Variants in PSMD5 observed in about 807,000 individuals in gnomAD.
The protein encoded by PSMD5 is proteasome 26S subunit, non-ATPase 5.
Under a neutral mutation model 52.1 loss-of-function variants are expected in PSMD5, and 40 were observed. The ratio of observed to expected loss-of-function variants is 0.77; its 90% confidence interval spans 0.60 to 1.00. The LOEUF is 1.00. Among genes scored for constraint, PSMD5 ranks in the 50% least tolerant of loss-of-function variants. The probability of loss-of-function intolerance (pLI) is 0.00; values close to 1 mark genes in which losing one functional copy is unlikely to be tolerated. For missense variants in PSMD5, 575 were observed against 605.2 expected (o/e 0.95, Z 0.52); for synonymous variants, 211 against 226.6 (o/e 0.93, Z 0.62).
rs1204678979 is a variant in PSMD5 at position 120,816,065 on chromosome 9, AT to A, written c.*1840del. The A allele has an allele frequency of 1.2e-5, 2 of 161,990 alleles. No homozygotes were observed. The highest frequency in any genetic ancestry group is 4.8e-5 in the African/African-American group (2 of 41,590). 10.0% of individuals were successfully genotyped at this position (161,990 alleles called of 1,614,324 possible). On this transcript the variant is annotated 3_prime_UTR_variant, in exon 10 of 10. Transcript: ENST00000210313. The stretch of plus-strand genomic sequence containing the variant: ...CAGTCAACAGGTGTTTACTTATGAA[AT>A]GAAAATAATGATTTACAAATTTTAT...
chr9:120,819,400 A>G (rs941496925), intron 9 of PSMD5, among the ~76,000 whole-genome samples: 1 of 152,240 alleles, frequency 6.6e-6, no homozygotes, highest in Admixed American at 6.5e-5. Flanking sequence ...GTAAATAGAA[A>G]ATTATTTCTA....
chr9:120,833,683 T>C (rs2045177566), intron 1 of PSMD5, among the ~76,000 whole-genome samples: 1 of 144,130 alleles, frequency 6.9e-6, no homozygotes, highest in Non-Finnish European at 1.5e-5. Context: ...TTTTTTTTTT[T>C]TTTTTTTTTT....
Position 120,831,942 on chromosome 9 carries a change from CA to C in PSMD5, c.321del (p.Ile107MetfsTer15). 1 of 1,611,410 alleles carries C rather than the reference CA, an allele frequency of 6.2e-7. No homozygotes were observed. Among genetic ancestry groups the C allele is most frequent in the Non-Finnish European group, 8.5e-7 (1 of 1,179,300 alleles). ...GCATCAGAATTTTCAACAATTCTTCCAATCTGAAAGAAAAACAATCAGAAAC... is the reference window on the plus strand; with the variant it reads ...GCATCAGAATTTTCAACAATTCTTCCATCTGAAAGAAAAACAATCAGAAAC... ...DSVKILTLSQ[I>X]GRIVENSDAV... On this transcript the variant is annotated frameshift_variant and splice_region_variant, in exon 3 of 10. Coordinates refer to ENST00000210313, the MANE Select transcript of PSMD5 (RefSeq NM_005047.4). LOFTEE classifies it high-confidence loss of function.
rs1219012608 is a variant in PSMD5 at position 120,818,136 on chromosome 9, T to G, written c.1285A>C (p.Lys429Gln). ...TAIANQPWAQ[K>Q]LMFNSPGFVE... The stretch of plus-strand genomic sequence containing the variant: ...AAACCTGGACTGTTAAACATAAGTT[T>G]CTGAGCCCAGGGTTGGTTTGCAATG... The change falls in exon 10 of 10, where the codon AAA becomes CAA. Residue 429 changes from lysine (K) to glutamine (Q), a missense_variant. Transcript: ENST00000210313. 5 of 1,614,008 alleles carry G rather than the reference T, an allele frequency of 3.1e-6. No individual in the cohort carries two copies. The highest frequency in any genetic ancestry group is 4.2e-6 in the Non-Finnish European group (5 of 1,179,882).
chr9:120,836,101 T>A (rs922430642), intron 1 of PSMD5, among the ~76,000 whole-genome samples: 15 of 152,230 alleles, frequency 9.9e-5, no homozygotes, highest in Non-Finnish European at 1.5e-5. Flanking sequence ...ATACAACATT[T>A]ATCCTTTTGT....
Position 120,816,702 on chromosome 9 carries a change from C to A in PSMD5, c.*1204G>T, listed in dbSNP as rs943237250. ...AACAGGTGATTTGGTGTGCAGAGTGCTTTGGCTTTGCTGTTTAGAGAGAAG... is the reference window on the plus strand; with the variant it reads ...AACAGGTGATTTGGTGTGCAGAGTGATTTGGCTTTGCTGTTTAGAGAGAAG... On this transcript the variant is annotated 3_prime_UTR_variant, in exon 10 of 10. Transcript: ENST00000210313. The A allele has an allele frequency of 6.6e-6, 1 of 152,216 alleles. No homozygotes were observed. Among genetic ancestry groups the A allele is most frequent in the African/African-American group, 2.4e-5 (1 of 41,446 alleles). 9.4% of individuals were successfully genotyped at this position (152,216 alleles called of 1,614,324 possible).
intron 1 of PSMD5, among the ~76,000 whole-genome samples, chr9:120,839,382 G>GAAGGAATTTGCTAGAA (rs985554232): frequency 6.6e-6 from 1 of 152,208 alleles, no homozygotes. Flanking sequence ...TACAAGGTGG[G>GAAGGAATTTGCTAGAA]AAGGAATTTG....
intron 1 of PSMD5, among the ~76,000 whole-genome samples, chr9:120,834,326 G>GA (rs1192576510): frequency 6.6e-6 from 1 of 151,518 alleles, no homozygotes; most frequent in Non-Finnish European, 1.5e-5. Flanking sequence ...GAAAGATACA[G>GA]AAAAAAAAGG....
intron 1 of PSMD5, chr9:120,842,516 C>A (rs2045247254): frequency 3.4e-6 from 2 of 588,650 alleles, no homozygotes; most frequent in Non-Finnish European, 6.0e-6. Context: ...TCAGAGGCAG[C>A]GAGGCCAGGC....
At chr9:120,834,982 A>G (rs559679498) in intron 1 of PSMD5, among the ~76,000 whole-genome samples, 13 of 152,356 alleles carry the variant, frequency 8.5e-5, no homozygotes, top group Admixed American at 6.5e-4. Context: ...CTACAAATAA[A>G]TGGGCTAATA....
At position 120,833,359 on chromosome 9, in the gene PSMD5, C is replaced by G. The variant is rs752964908; in HGVS notation, c.271G>C (p.Gly91Arg). ...ARNLRVDLQR[G>R]LIHPDDSVKI... ...ACAGAATCATCAGGGTGAATTAGTC[C>G]CCTCTGCAGGTCAACCCTGAGGTTC... The change falls in exon 2 of 10, where the codon GGA becomes CGA. Residue 91 changes from glycine to arginine, a missense_variant. Transcript: ENST00000210313. 6.2e-7 allele frequency: 1 copy of G among 1,614,102 alleles called. No homozygotes were observed. The highest frequency in any genetic ancestry group is 8.5e-7 in the Non-Finnish European group (1 of 1,179,980).
intron 1 of PSMD5, among the ~76,000 whole-genome samples, chr9:120,833,672 C>CTTTTTTTTTTT (rs71385094): frequency 2.3e-5 from 2 of 85,620 alleles, no homozygotes; most frequent in Non-Finnish European, 2.1e-5. Context: ...CTCTAGTCTT[C>CTTTTTTTTTTT]TTTTTTTTTT....
chr9:120,842,501 A>C, intron 1 of PSMD5: 1 of 575,194 alleles, frequency 1.7e-6, no homozygotes, highest in Non-Finnish European at 3.1e-6. Context: ...GCAGTGCCTC[A>C]CTGCTCAGAG....
intron 5 of PSMD5, among the ~76,000 whole-genome samples, chr9:120,828,719 C>G (rs116877311): frequency 4.7e-4 from 71 of 152,316 alleles, no homozygotes; most frequent in Non-Finnish European, 9.3e-4. Flanking sequence ...AGCCACCGCA[C>G]CCGGCCTAGC....
intron 5 of PSMD5, among the ~76,000 whole-genome samples, chr9:120,828,083 A>G (rs1413498812): frequency 6.6e-6 from 1 of 151,544 alleles, no homozygotes; most frequent in African/African-American, 2.4e-5. Flanking sequence ...TGCAATCTTC[A>G]CCTCCCGGGT....
intron 7 of PSMD5, 88 bp from the exon 8 acceptor site, chr9:120,821,552 G>T: frequency 2.2e-6 from 2 of 895,978 alleles, no homozygotes; most frequent in Non-Finnish European, 3.3e-6. Flanking sequence ...TTAGTGTATA[G>T]TTCAGTGCTA....
chr9:120,842,878 T>C lies in PSMD5; in HGVS notation c.32A>G (p.Glu11Gly). The stretch of plus-strand genomic sequence containing the variant: ...CAGCGGCGCTTCCAGCCTCGCTACC[T>C]CTCTCAGCAGCGCCAAAGCCTGGGC... MAAQALALLREVARLEAPLEE... is the reference protein window; with the variant it reads MAAQALALLRGVARLEAPLEE... The change falls in exon 1 of 10, where the codon GAG becomes GGG. Residue 11 changes from glutamate (E) to glycine (G), a missense_variant. Glu to Gly is a moderately conservative substitution (Grantham distance 98). Transcript: ENST00000210313. 1 of 1,599,580 alleles carries C rather than the reference T, an allele frequency of 6.3e-7. No individual in the cohort carries two copies.
At chr9:120,826,581 T>G in intron 6 of PSMD5, 184 bp downstream of exon 6, 4 of 671,432 alleles carry the variant, frequency 6.0e-6, no homozygotes, top group Non-Finnish European at 9.5e-6. Flanking sequence ...GATGACCCTT[T>G]TAATGTGCTG....
intron 7 of PSMD5, 121 bp downstream of exon 7, chr9:120,824,373 A>T: frequency 1.1e-6 from 1 of 948,420 alleles, no homozygotes; most frequent in Non-Finnish European, 1.7e-6. Context: ...GGTCATGGTT[A>T]ACAAGACTGC....
Sources: gnomAD v4.1 joint callset for allele counts (sites outside exome capture counted in the v4.1 genomes callset) on GRCh38, gnomAD v4.1.1 for gene constraint, MANE v1.5 for transcripts, NCBI Gene and HGNC (gene_info 2026-07-23, HGNC 2026-07-21) for gene names.